ASAP1: variants seen among roughly 807,000 people sequenced by gnomAD.
ASAP1 encodes ArfGAP with SH3 domain, ankyrin repeat and PH domain 1.
In ASAP1, 43 loss-of-function variants were observed where a neutral mutation model predicts 145.2. The ratio of observed to expected loss-of-function variants is 0.30; its 90% CI spans 0.23 to 0.38. The LOEUF is 0.38. Ranked by LOEUF, ASAP1 falls within the 10% of genes least tolerant of loss-of-function variation. The pLI is 1.00. For synonymous variants in ASAP1, 546 were observed against 515.5 expected, an observed-to-expected ratio of 1.06 and a Z score of -0.80; for missense variants, 1,018 against 1,355.3, an observed-to-expected ratio of 0.75 and a Z score of 3.91.
At chr8:130,436,017 T>TAAGCCCCC (rs1273923356) in intron 1 of ASAP1, among the ~76,000 whole-genome samples, 12 of 152,142 alleles carry the variant, frequency 7.9e-5, no homozygotes, top group African/African-American at 2.4e-4. Flanking sequence ...CATGAGCCAC[T>TAAGCCCCC]AAGCCCCCAA....
At chr8:130,158,851 C>A (rs1306632826) in intron 12 of ASAP1, among the ~76,000 whole-genome samples, 2 of 151,964 alleles carry the variant, frequency 1.3e-5, no homozygotes, top group South Asian at 2.1e-4. Flanking sequence ...CCTGCCTCAG[C>A]CTCCCAAGTA....
chr8:130,130,873 T>TA lies in ASAP1; in HGVS notation c.1218-2784dup, dbSNP rs1020241797. The stretch of plus-strand genomic sequence containing the variant: ...AGCCTGGGCAACATAGATCTCATTT[T>TA]AAAAAAAAAAGCCACGCTCACGCCT... On this transcript the variant is annotated intron_variant, in intron 15 of 29. Coordinates refer to ENST00000518721, the MANE Select transcript of ASAP1 (RefSeq NM_018482.4). Among the ~76,000 whole-genome samples the TA allele has an allele frequency of 6.2e-4, 92 of 147,372 alleles. 1 individual carries two copies. The East Asian group carries it at 0.015, about 24-fold the overall frequency.
At chr8:130,376,512 G>C (rs1438700047) in intron 2 of ASAP1, among the ~76,000 whole-genome samples, 1 of 152,176 alleles carries the variant, frequency 6.6e-6, no homozygotes, top group African/African-American at 2.4e-5. Context: ...TGGATCATGA[G>C]GTCAGGAGTG....
chr8:130,228,701 A>T (rs1472103781), intron 4 of ASAP1, among the ~76,000 whole-genome samples: 4 of 49,060 alleles, frequency 8.2e-5, no homozygotes, highest in Non-Finnish European at 1.3e-4. Flanking sequence ...ACCCTGTCTT[A>T]AAAAAAAAAA....
chr8:130,404,910 G>A (rs952519722), intron 1 of ASAP1, among the ~76,000 whole-genome samples: 2 of 151,930 alleles, frequency 1.3e-5, no homozygotes, highest in Non-Finnish European at 2.9e-5. Context: ...GTCTGTTGCT[G>A]CCTTTTAGTC....
At chr8:130,115,441 T>A (rs1408740668) in intron 23 of ASAP1, 187 bp downstream of exon 23, 1 of 561,956 alleles carries the variant, frequency 1.8e-6, no homozygotes, top group Non-Finnish European at 3.2e-6. Flanking sequence ...CTGTTGGCTC[T>A]GTTTCTCTGG....
At chr8:130,310,013 G>A (rs921189161) in intron 3 of ASAP1, among the ~76,000 whole-genome samples, 9 of 151,712 alleles carry the variant, frequency 5.9e-5, no homozygotes, top group African/African-American at 1.5e-4. Context: ...TATCCCAATC[G>A]TCCAGTTTCT....
chr8:130,383,253 C>A (rs2138410725), intron 2 of ASAP1, among the ~76,000 whole-genome samples: 1 of 152,352 alleles, frequency 6.6e-6, no homozygotes, highest in Non-Finnish European at 1.5e-5. Flanking sequence ...CAGGCTCCAG[C>A]CCCTGGGAGG....
At chr8:130,269,325 G>A (rs972281884) in intron 3 of ASAP1, among the ~76,000 whole-genome samples, 1 of 152,210 alleles carries the variant, frequency 6.6e-6, no homozygotes, top group Non-Finnish European at 1.5e-5. Context: ...GCAGATTTCT[G>A]TGATACAGTT....
chr8:130,125,050 C>T (rs1564988133), intron 17 of ASAP1, among the ~76,000 whole-genome samples: 2 of 152,200 alleles, frequency 1.3e-5, no homozygotes, highest in African/African-American at 4.8e-5. Flanking sequence ...GGGCTGCTGG[C>T]TGGGTCACTA....
intron 2 of ASAP1, among the ~76,000 whole-genome samples, chr8:130,376,283 G>T (rs749106611): frequency 6.6e-6 from 1 of 152,226 alleles, no homozygotes; most frequent in African/African-American, 2.4e-5. Context: ...CACAGCCAGG[G>T]CCTGGTGGAA....
intron 3 of ASAP1, among the ~76,000 whole-genome samples, chr8:130,339,842 A>G (rs1825267132): frequency 6.6e-6 from 1 of 152,042 alleles, no homozygotes; most frequent in African/African-American, 2.4e-5. Flanking sequence ...AAACTCTAAG[A>G]TTACACTATT....
intron 4 of ASAP1, among the ~76,000 whole-genome samples, chr8:130,224,867 A>G (rs1384981247): frequency 1.3e-5 from 2 of 152,220 alleles, no homozygotes; most frequent in African/African-American, 4.8e-5. Context: ...GCTGGGGGAT[A>G]GTGTGTACAT....
chr8:130,257,468 T>C (rs1169123956), intron 3 of ASAP1, among the ~76,000 whole-genome samples: 1 of 152,186 alleles, frequency 6.6e-6, no homozygotes, highest in Non-Finnish European at 1.5e-5. Context: ...TCATAAAGAA[T>C]ATTTCACTTC....
chr8:130,231,849 A>C (rs982294855), intron 4 of ASAP1, among the ~76,000 whole-genome samples: 1 of 152,222 alleles, frequency 6.6e-6, no homozygotes, highest in East Asian at 1.9e-4. Context: ...TTCTCAAGCC[A>C]CACCTGACTT....
At chr8:130,395,752 C>T (rs1407324560) in intron 2 of ASAP1, among the ~76,000 whole-genome samples, 1 of 151,942 alleles carries the variant, frequency 6.6e-6, no homozygotes, top group Non-Finnish European at 1.5e-5. Context: ...CTGCAACCTC[C>T]ACCTCCCAGG....
chr8:130,276,129 G>A (rs139967295), intron 3 of ASAP1, among the ~76,000 whole-genome samples: 3 of 152,190 alleles, frequency 2.0e-5, no homozygotes, highest in Admixed American at 6.5e-5. Context: ...AGAACCCTGC[G>A]GGCCTGACCT....
intron 1 of ASAP1, among the ~76,000 whole-genome samples, chr8:130,419,221 T>C (rs562194869): frequency 6.6e-6 from 1 of 152,284 alleles, no homozygotes; most frequent in South Asian, 2.1e-4. Context: ...TCGCTCCTCA[T>C]TGCTGATTTC....
chr8:130,199,172 C>T (rs1238507718), intron 5 of ASAP1, among the ~76,000 whole-genome samples: 1 of 152,154 alleles, frequency 6.6e-6, no homozygotes, highest in East Asian at 1.9e-4. Context: ...TACAATTATC[C>T]GTGTGTTCCT....
Sources: gnomAD v4.1 joint callset for allele counts (sites outside exome capture counted in the v4.1 genomes callset) on GRCh38, gnomAD v4.1.1 for gene constraint, MANE v1.5 for transcripts, NCBI Gene and HGNC (gene_info 2026-07-23, HGNC 2026-07-21) for gene names.